Variants in CCR3 observed in about 807,000 individuals in gnomAD.
CCR3 encodes the protein C-C chemokine receptor type 3.
For missense variants in CCR3, 419 were observed against 437.5 expected (o/e 0.96, Z 0.38); for synonymous variants, 203 against 179.2 (o/e 1.13, Z -1.06).
intron 1 of CCR3, among the ~76,000 whole-genome samples, chr3:46,260,250 A>C (rs1700499258): frequency 6.6e-6 from 1 of 152,188 alleles, no homozygotes. Context: ...AAACCATGTC[A>C]TTCTACCCCG....
intron 2 of CCR3, among the ~76,000 whole-genome samples, chr3:46,214,663 G>C (rs755105471): frequency 1.4e-4 from 21 of 152,074 alleles, no homozygotes; most frequent in Admixed American, 3.9e-4. Flanking sequence ...GATGTTCTGT[G>C]ATAAAACAGC....
At chr3:46,247,637 A>G (rs1700222384) in intron 1 of CCR3, among the ~76,000 whole-genome samples, 1 of 152,168 alleles carries the variant, frequency 6.6e-6, no homozygotes, top group South Asian at 2.1e-4. Flanking sequence ...CAGACTGTAT[A>G]GAGGTGGGAA....
chr3:46,235,668 G>A (rs1700016613), intron 2 of CCR3, among the ~76,000 whole-genome samples: 1 of 152,182 alleles, frequency 6.6e-6, no homozygotes, highest in South Asian at 2.1e-4. Context: ...AAGGCGTTGA[G>A]GACCAGATGT....
At chr3:46,244,063 A>G (rs946204909) in intron 1 of CCR3, among the ~76,000 whole-genome samples, 1 of 152,228 alleles carries the variant, frequency 6.6e-6, no homozygotes, top group Non-Finnish European at 1.5e-5. Flanking sequence ...AAGCAATTTG[A>G]CAAAATGCAT....
At position 46,266,052 on chromosome 3, in the gene CCR3, G is replaced by A. The variant is rs147776158; in HGVS notation, c.894G>A (p.Pro298=). The A allele has an allele frequency of 4.9e-5, 79 of 1,613,908 alleles. 2 individuals carry two copies. The highest frequency in any genetic ancestry group is 3.3e-4 in the Middle Eastern group (2 of 6,084). ...VIAYSHCCMN[P]VIYAFVGERF... Reference sequence around the variant, plus strand: ...CCTACTCCCACTGCTGCATGAACCCGGTGATCTACGCCTTTGTTGGAGAGA... The same window carrying A: ...CCTACTCCCACTGCTGCATGAACCCAGTGATCTACGCCTTTGTTGGAGAGA... The change falls in exon 2 of 2, where the codon CCG becomes CCA. Residue 298 remains proline (P), a synonymous_variant. Transcript: ENST00000395940.
At chr3:46,220,702 G>A (rs1471359244) in intron 2 of CCR3, among the ~76,000 whole-genome samples, 1 of 152,222 alleles carries the variant, frequency 6.6e-6, no homozygotes, top group Admixed American at 6.5e-5. Flanking sequence ...GTCATTCCCA[G>A]CAACCTGGAT....
chr3:46,262,139 TGA>T (rs1700538076), intron 1 of CCR3, among the ~76,000 whole-genome samples: 1 of 152,158 alleles, frequency 6.6e-6, no homozygotes, highest in African/African-American at 2.4e-5. Flanking sequence ...AAGAAGAAAC[TGA>T]AATTATAAGC....
intron 2 of CCR3, among the ~76,000 whole-genome samples, chr3:46,233,076 G>A (rs936977439): frequency 5.3e-5 from 8 of 152,202 alleles, no homozygotes; most frequent in Non-Finnish European, 7.3e-5. Context: ...CGTGATCCAC[G>A]TGTCTCAGCC....
chr3:46,245,343 C>T (rs950284222), intron 1 of CCR3, among the ~76,000 whole-genome samples: 2 of 148,746 alleles, frequency 1.3e-5, no homozygotes, highest in African/African-American at 2.5e-5. Context: ...ATCTAGTATC[C>T]TCCAAGGTCA....
intron 1 of CCR3, among the ~76,000 whole-genome samples, chr3:46,243,067 C>T (rs13081845): frequency 0.26 from 38,006 of 145,824 alleles, 5,274 homozygotes; most frequent in Middle Eastern, 0.37. Context: ...GGGATTTGTT[C>T]CAGGACCCTT....
chr3:46,255,774 T>C (rs1700410055), intron 1 of CCR3, among the ~76,000 whole-genome samples: 1 of 152,322 alleles, frequency 6.6e-6, no homozygotes, highest in African/African-American at 2.4e-5. Context: ...CTTATTCCAG[T>C]ACCATTCTGT....
At position 46,266,570 on chromosome 3, in the gene CCR3, C is replaced by T. The variant is rs1465225117; in HGVS notation, c.*344C>T. The stretch of plus-strand genomic sequence containing the variant: ...CTTTTTATATTTTATACATTAACTT[C>T]AGCCAGCTATTGATATAAATAAAAC... On this transcript the variant is annotated 3_prime_UTR_variant, in exon 2 of 2. Coordinates refer to ENST00000395940, the MANE Select transcript of CCR3 (RefSeq NM_178329.3). 2 of 214,420 alleles carry T rather than the reference C, an allele frequency of 9.3e-6. No homozygotes were observed. The highest frequency in any genetic ancestry group is 2.0e-5 in the Non-Finnish European group (2 of 100,408). 13.3% of individuals were successfully genotyped at this position (214,420 alleles called of 1,614,324 possible). A position where few individuals can be genotyped will look rare whatever the true frequency, so the allele number is the denominator to read the frequency against.
At chr3:46,227,686 T>G (rs1183128421) in intron 2 of CCR3, among the ~76,000 whole-genome samples, 1 of 152,218 alleles carries the variant, frequency 6.6e-6, no homozygotes, top group Non-Finnish European at 1.5e-5. Context: ...CAGAACTGCT[T>G]TAGCTACAGC....
chr3:46,238,916 G>T (rs1219177127), upstream of CCR3, among the ~76,000 whole-genome samples: 2 of 152,212 alleles, frequency 1.3e-5, no homozygotes, highest in Non-Finnish European at 2.9e-5. Flanking sequence ...ACATAACGCA[G>T]ATCAGCGGTT....
intron 1 of CCR3, among the ~76,000 whole-genome samples, chr3:46,242,964 T>TATATATATATATACACAC (rs1491100347): frequency 9.4e-5 from 6 of 63,858 alleles, no homozygotes; most frequent in African/African-American, 4.2e-4. Flanking sequence ...TATATATGTG[T>TATATATATATATACACAC]ATATATATAT....
chr3:46,221,850 A>C (rs1699839929), intron 2 of CCR3, among the ~76,000 whole-genome samples: 1 of 152,116 alleles, frequency 6.6e-6, no homozygotes, highest in African/African-American at 2.4e-5. Context: ...AAGACAAAGA[A>C]GGGGGTCCAT....
At position 46,265,730 on chromosome 3, in the gene CCR3, C is replaced by A. The variant is rs1449679108; in HGVS notation, c.572C>A (p.Thr191Lys). 6.2e-7 allele frequency: 1 copy of A among 1,613,588 alleles called. No homozygotes were observed. The highest frequency in any genetic ancestry group is 8.5e-7 in the Non-Finnish European group (1 of 1,179,898). ...TLCSALYPED[T>K]VYSWRHFHTL... ...TGCAGTGCTCTTTACCCAGAGGATA[C>A]AGTATATAGCTGGAGGCATTTCCAC... Residue 191 changes from threonine (T) to lysine (K), a missense_variant, in exon 2 of 2, where the codon ACA becomes AAA. Coordinates refer to ENST00000395940, the MANE Select transcript of CCR3 (RefSeq NM_178329.3).
chr3:46,265,734 A>T lies in CCR3; in HGVS notation c.576A>T (p.Val192=). The T allele has an allele frequency of 6.2e-7, 1 of 1,613,898 alleles. No homozygotes were observed. ...GTGCTCTTTACCCAGAGGATACAGTATATAGCTGGAGGCATTTCCACACTC... is the reference window on the plus strand; with the variant it reads ...GTGCTCTTTACCCAGAGGATACAGTTTATAGCTGGAGGCATTTCCACACTC... ...LCSALYPEDT[V]YSWRHFHTLR... The change falls in exon 2 of 2, where the codon GTA becomes GTT. Residue 192 remains valine (V), a synonymous_variant. Coordinates refer to ENST00000395940, the MANE Select transcript of CCR3 (RefSeq NM_178329.3).
intron 1 of CCR3, among the ~76,000 whole-genome samples, chr3:46,245,289 G>A (rs909634331): frequency 1.3e-5 from 2 of 150,110 alleles, no homozygotes; most frequent in Admixed American, 1.3e-4. Context: ...CCCTCATTCC[G>A]TTCCTGCACT....
Sources: allele counts gnomAD v4.1 joint callset (sites outside exome capture counted in the v4.1 genomes callset), GRCh38; gene constraint gnomAD v4.1.1; transcripts MANE v1.5; gene names NCBI Gene and HGNC (gene_info 2026-07-23, HGNC 2026-07-21).